The following SIMC1 variants were observed in gnomAD, a reference collection of about 807,000 sequenced individuals.
SIMC1 encodes SUMO interacting motifs containing 1.
Under a neutral mutation model 82.3 loss-of-function variants are expected in SIMC1, and 55 were observed. That is an observed-to-expected ratio of 0.67 (90% CI 0.54 to 0.84). The LOEUF is 0.84. Among genes scored for constraint, SIMC1 ranks in the 40% least tolerant of loss-of-function variants. The probability of loss-of-function intolerance (pLI) is 0.00; values close to 1 mark genes in which losing one functional copy is unlikely to be tolerated. For synonymous variants in SIMC1, 353 were observed against 426.3 expected, an observed-to-expected ratio of 0.83 and a Z score of 2.12; for missense variants, 915 against 1,107.2, an observed-to-expected ratio of 0.83 and a Z score of 2.46.
At chr5:176,277,990 T>C in intron 1 of SIMC1, among the ~76,000 whole-genome samples, 1 of 141,410 alleles carries the variant, frequency 7.1e-6, no homozygotes, top group East Asian at 2.1e-4. Flanking sequence ...GTGAAGAAAG[T>C]CATTGGTAGC....
At position 176,289,640 on chromosome 5, in the gene SIMC1, C is replaced by G. The variant is rs185093962; in HGVS notation, c.130-14C>G. 2 of 1,560,432 alleles carry G rather than the reference C, an allele frequency of 1.3e-6. No homozygotes were observed. The highest frequency in any genetic ancestry group is 1.7e-4 in the Middle Eastern group (1 of 5,874). On this transcript the variant is annotated splice_polypyrimidine_tract_variant and intron_variant, in intron 1 of 9. Coordinates refer to ENST00000429602, the MANE Select transcript of SIMC1 (RefSeq NM_001308195.2). ...CCCATCTTGACCTCTTTTCTTCACA[C>G]AATCCTTCAACAGGACTTCATTGAC...
chr5:176,345,120 G>A, intron 9 of SIMC1, 63 bp from the exon 10 acceptor site: 1 of 1,547,542 alleles, frequency 6.5e-7, no homozygotes, highest in African/African-American at 1.4e-5. Flanking sequence ...ACCAAAATTA[G>A]ACTTCTTAAA....
At chr5:176,304,305 C>T (rs1581278272) in intron 4 of SIMC1, 3 of 156,264 alleles carry the variant, frequency 1.9e-5, no homozygotes, top group East Asian at 3.8e-4. Context: ...CTGCCTGATT[C>T]TCCTGCCTCA....
intron 4 of SIMC1, among the ~76,000 whole-genome samples, chr5:176,303,468 T>G (rs1272829217): frequency 6.6e-6 from 1 of 151,978 alleles, no homozygotes; most frequent in African/African-American, 2.4e-5. Flanking sequence ...ATTACAGGCA[T>G]GCGCCACCAT....
intron 6 of SIMC1, chr5:176,322,631 T>C: frequency 1.8e-6 from 1 of 562,872 alleles, no homozygotes; most frequent in Non-Finnish European, 3.0e-6. Flanking sequence ...CTAAAATGAA[T>C]AGGACTTCAC....
At position 176,304,861 on chromosome 5, in the gene SIMC1, G is replaced by A. The variant is rs1014539643; in HGVS notation, c.1734+8541G>A. On this transcript the variant is annotated intron_variant, in intron 4 of 9. Coordinates refer to ENST00000429602, the MANE Select transcript of SIMC1 (RefSeq NM_001308195.2). ...CCGCCCCATCTGGGATGTGAGGAGC[G>A]CCTCTGCCTGGCCGAGACCCCGTCT... Among the ~76,000 whole-genome samples the A allele has an allele frequency of 4.7e-5, 7 of 148,130 alleles. 1 individual carries two copies. The highest frequency in any genetic ancestry group is 4.3e-4 in the South Asian group (2 of 4,604).
chr5:176,297,961 A>G (rs1228812136), intron 4 of SIMC1, among the ~76,000 whole-genome samples: 1 of 152,204 alleles, frequency 6.6e-6, no homozygotes, highest in Non-Finnish European at 1.5e-5. Flanking sequence ...GGAGTGAAAT[A>G]ACAGAGGGCT....
chr5:176,288,646 C>G (rs890122654), intron 1 of SIMC1, among the ~76,000 whole-genome samples: 1 of 152,168 alleles, frequency 6.6e-6, no homozygotes, highest in Non-Finnish European at 1.5e-5. Flanking sequence ...AATCCCTATT[C>G]CAGGATGCCA....
At chr5:176,251,199 A>C (rs371794843) in intron 1 of SIMC1, among the ~76,000 whole-genome samples, 4 of 152,128 alleles carry the variant, frequency 2.6e-5, no homozygotes, top group Non-Finnish European at 5.9e-5. Flanking sequence ...GTCTCTACTA[A>C]AAATACACAA....
intron 5 of SIMC1, 88 bp from the exon 6 acceptor site, chr5:176,322,185 A>G (rs985885135): frequency 1.2e-5 from 17 of 1,437,100 alleles, no homozygotes; most frequent in Non-Finnish European, 1.5e-5. Context: ...CATAAATACA[A>G]CAGACATGGA....
rs1764462562 is a variant in SIMC1, at chr5:176,307,187, A to G, written c.1735-6504A>G. Among the ~76,000 whole-genome samples, 4 of 152,306 alleles carry G rather than the reference A, an allele frequency of 2.6e-5. No homozygotes were observed. The South Asian group carries it at 8.3e-4, about 32-fold the overall frequency. On this transcript the variant is annotated intron_variant, in intron 4 of 9. Coordinates refer to ENST00000429602, the MANE Select transcript of SIMC1 (RefSeq NM_001308195.2). ...TGGGCAAGAATTTGGAGAAATTAGAACCTTTGTGCACTCTTGGGATTGTAA... is the reference window on the plus strand; with the variant it reads ...TGGGCAAGAATTTGGAGAAATTAGAGCCTTTGTGCACTCTTGGGATTGTAA...
In SIMC1 at chr5:176,324,680, G is replaced by T. The variant is rs1320345371; in HGVS notation, c.2094G>T (p.Arg698Ser). ...TCTCCATAGCCGTAGAGGTGGACAG[G>T]ACCCCCACCTGCAGCTCCAATAAAA... ...RMLSIAVEVD[R>S]TPTCSSNKIA... The change falls in exon 7 of 10, where the codon AGG becomes AGT. Residue 698 changes from arginine (R) to serine (S), a missense_variant. Coordinates refer to ENST00000429602, the MANE Select transcript of SIMC1 (RefSeq NM_001308195.2). 6.2e-7 allele frequency: 1 copy of T among 1,609,148 alleles called. No individual in the cohort carries two copies. Among genetic ancestry groups the T allele is most frequent in the East Asian group, 2.2e-5 (1 of 44,786 alleles).
intron 4 of SIMC1, among the ~76,000 whole-genome samples, chr5:176,305,672 T>C (rs1304080654): frequency 4.8e-5 from 5 of 103,344 alleles, no homozygotes; most frequent in South Asian, 3.3e-4. Flanking sequence ...GAGGAGCCCC[T>C]CTGCCCGGCC....
intron 4 of SIMC1, 176 bp from the exon 5 acceptor site, chr5:176,313,515 G>A (rs1764761042): frequency 1.9e-6 from 3 of 1,556,122 alleles, no homozygotes; most frequent in African/African-American, 2.7e-5. Context: ...CACCCTATTT[G>A]TCCTCTCTCA....
intron 1 of SIMC1, among the ~76,000 whole-genome samples, chr5:176,248,785 C>T (rs1294700057): frequency 6.6e-6 from 1 of 152,036 alleles, no homozygotes; most frequent in Non-Finnish European, 1.5e-5. Context: ...GTTTCATCAA[C>T]ACCTAGTTTA....
chr5:176,276,625 G>C (rs189769198), intron 1 of SIMC1, among the ~76,000 whole-genome samples: 2 of 123,800 alleles, frequency 1.6e-5, no homozygotes, highest in Non-Finnish European at 3.2e-5. Flanking sequence ...AGTCCCCAGA[G>C]CGTGATATTC....
chr5:176,259,276 G>A (rs972639519), intron 1 of SIMC1, among the ~76,000 whole-genome samples: 7 of 152,016 alleles, frequency 4.6e-5, no homozygotes, highest in South Asian at 2.1e-4. Flanking sequence ...GACCAGCCTC[G>A]ACAATATGGT....
chr5:176,322,127 G>A (rs1765188804), intron 5 of SIMC1, 146 bp from the exon 6 acceptor site: 1 of 856,254 alleles, frequency 1.2e-6, no homozygotes, highest in Non-Finnish European at 1.7e-6. Flanking sequence ...TGCCTGTAGG[G>A]AAATCCAGGG....
chr5:176,324,584 T>A, intron 6 of SIMC1, 45 bp from the exon 7 acceptor site: 1 of 1,587,934 alleles, frequency 6.3e-7, no homozygotes, highest in South Asian at 1.1e-5. Flanking sequence ...GAGTGGCTCC[T>A]TGCCAGACCC....
Sources: allele counts gnomAD v4.1 joint callset (sites outside exome capture counted in the v4.1 genomes callset), GRCh38; gene constraint gnomAD v4.1.1; transcripts MANE v1.5; gene names NCBI Gene and HGNC (gene_info 2026-07-23, HGNC 2026-07-21).